LIPI: variants seen among roughly 807,000 people sequenced by gnomAD.
The protein encoded by LIPI is lipase member I.
LIPI carries 59 observed loss-of-function variants against 50.6 expected under a neutral mutation model. That is an observed-to-expected ratio of 1.16 (90% confidence interval 0.94 to 1.45). The LOEUF (loss-of-function observed/expected upper bound fraction) is 1.45, where lower values mean the gene tolerates loss of function less well. LIPI is among the 40% of genes most tolerant of loss of function. LIPI has a pLI of 0.00. For synonymous variants in LIPI, 203 were observed against 178.2 expected (o/e 1.14, Z -1.11); for missense variants, 586 against 536.3 (o/e 1.09, Z -0.92).
rs1036394601 is a variant in LIPI at position 14,168,464 on chromosome 21, G to A, written c.644-2013C>T. Among the ~76,000 whole-genome samples, 3 of 152,288 alleles carry A rather than the reference G, an allele frequency of 2.0e-5. No homozygotes were observed. The South Asian group carries it at 6.2e-4, about 32-fold the overall frequency. The stretch of plus-strand genomic sequence containing the variant: ...AAAAAATGTTAAGGGCAGCCAGAGA[G>A]AAAGGTCGGGTTACCCACAAAGGGA... On this transcript the variant is annotated intron_variant, in intron 4 of 9. Coordinates refer to ENST00000681601, the MANE Select transcript of LIPI (RefSeq NM_001302998.2).
intron 9 of LIPI, among the ~76,000 whole-genome samples, chr21:14,141,196 C>A (rs2017693798): frequency 6.6e-6 from 1 of 151,892 alleles, no homozygotes; most frequent in Non-Finnish European, 1.5e-5. Context: ...GTAGTTAGTT[C>A]TTCTGCTGTG....
chr21:14,154,330 AAC>A (rs1372473167), intron 7 of LIPI, among the ~76,000 whole-genome samples: 3 of 152,080 alleles, frequency 2.0e-5, no homozygotes, highest in African/African-American at 2.4e-5. Context: ...TTCTGTCCTA[AAC>A]TATCTTTTCA....
chr21:14,126,466 C>T (rs2017070119), intron 9 of LIPI, among the ~76,000 whole-genome samples: 1 of 152,144 alleles, frequency 6.6e-6, no homozygotes, highest in African/African-American at 2.4e-5. Context: ...ACACAGTCAA[C>T]CCTCTGTATC....
intron 9 of LIPI, among the ~76,000 whole-genome samples, chr21:14,115,666 C>T (rs1164861252): frequency 6.6e-6 from 1 of 152,146 alleles, no homozygotes; most frequent in African/African-American, 2.4e-5. Context: ...GAACGGTTTT[C>T]CCGTGTCTTG....
intron 9 of LIPI, among the ~76,000 whole-genome samples, chr21:14,140,875 G>T (rs529299514): frequency 6.6e-6 from 1 of 152,082 alleles, no homozygotes; most frequent in East Asian, 1.9e-4. Context: ...CTTATTATTT[G>T]TAATTCCAAG....
At chr21:14,137,870 C>A (rs373205848) in intron 9 of LIPI, among the ~76,000 whole-genome samples, 110 of 152,142 alleles carry the variant, frequency 7.2e-4, no homozygotes, top group African/African-American at 2.6e-3. Flanking sequence ...GCAAAAGAAA[C>A]AAATAAAATG....
chr21:14,115,228 C>T (rs1323411879), intron 9 of LIPI, among the ~76,000 whole-genome samples: 1 of 152,136 alleles, frequency 6.6e-6, no homozygotes, highest in Non-Finnish European at 1.5e-5. Flanking sequence ...CGAGTTCCTG[C>T]TTCACCTCCC....
At chr21:14,200,698 A>G (rs927660609) in intron 1 of LIPI, among the ~76,000 whole-genome samples, 2 of 152,136 alleles carry the variant, frequency 1.3e-5, no homozygotes, top group African/African-American at 4.8e-5. Context: ...AAAGCAATTT[A>G]TAGATTCAAT....
chr21:14,168,689 C>T (rs11700956), intron 4 of LIPI, among the ~76,000 whole-genome samples: 1 of 152,292 alleles, frequency 6.6e-6, no homozygotes, highest in East Asian at 1.9e-4. Context: ...ACCACCAGGC[C>T]TGCCCTAAAA....
chr21:14,150,894 C>T (rs1044323678), intron 8 of LIPI, among the ~76,000 whole-genome samples: 10 of 152,068 alleles, frequency 6.6e-5, no homozygotes, highest in South Asian at 4.2e-4. Flanking sequence ...GAAAGGAAAA[C>T]GGATAATTGT....
chr21:14,180,209 G>A (rs1425902688), intron 4 of LIPI, among the ~76,000 whole-genome samples: 1 of 152,068 alleles, frequency 6.6e-6, no homozygotes, highest in Admixed American at 6.6e-5. Flanking sequence ...CTCTGCTCTT[G>A]AACCCTGTTT....
chr21:14,108,921 A>G lies in LIPI; in HGVS notation c.*72T>C, dbSNP rs752942864. The stretch of plus-strand genomic sequence containing the variant: ...TCTCAAATTGAACAGTGCATTATAA[A>G]AGACTGATTGCATTGTTTCATTTAC... On this transcript the variant is annotated 3_prime_UTR_variant, in exon 10 of 10. Transcript: ENST00000681601. 1.9e-6 allele frequency: 3 copies of G among 1,585,046 alleles called. No individual in the cohort carries two copies. The highest frequency in any genetic ancestry group is 2.6e-6 in the Non-Finnish European group (3 of 1,156,068).
intron 4 of LIPI, among the ~76,000 whole-genome samples, chr21:14,170,126 A>C (rs1412022307): frequency 6.6e-6 from 1 of 152,240 alleles, no homozygotes; most frequent in Non-Finnish European, 1.5e-5. Flanking sequence ...GAAATGGATA[A>C]ATTCCTCAAC....
chr21:14,191,215 A>C (rs1302740086), intron 1 of LIPI, among the ~76,000 whole-genome samples: 2 of 151,818 alleles, frequency 1.3e-5, no homozygotes, highest in African/African-American at 2.4e-5. Context: ...CGTCTCTACT[A>C]AAACTACAAA....
Position 14,161,737 on chromosome 21 carries a change from T to A in LIPI, c.1006+1682A>T, listed in dbSNP as rs1344325983. ...ATATTAATATATAATATATACATTA[T>A]TATATATTAATATATAATATATACA... On this transcript the variant is annotated intron_variant, in intron 7 of 9. Coordinates refer to ENST00000681601, the MANE Select transcript of LIPI (RefSeq NM_001302998.2). Among the ~76,000 whole-genome samples, 20 of 76,552 alleles carry A rather than the reference T, an allele frequency of 2.6e-4. 1 individual carries two copies. Among genetic ancestry groups the A allele is most frequent in the African/African-American group, 1.1e-3 (18 of 15,770 alleles). 50.2% of individuals were successfully genotyped at this position (76,552 alleles called of 152,430 possible).
chr21:14,206,981 G>A (rs1350011671), intron 1 of LIPI: 1 of 1,181,712 alleles, frequency 8.5e-7, no homozygotes, highest in African/African-American at 1.5e-5. Context: ...TAATAAGAAG[G>A]AAGACCCTTT....
intron 3 of LIPI, 55 bp downstream of exon 3, chr21:14,185,906 A>G (rs936884323): frequency 2.5e-5 from 26 of 1,053,188 alleles, no homozygotes; most frequent in Non-Finnish European, 3.2e-5. Context: ...TTAGCAAAGT[A>G]ACTTCTGATA....
At chr21:14,111,075 C>G (rs2016393208) in intron 9 of LIPI, among the ~76,000 whole-genome samples, 2 of 151,646 alleles carry the variant, frequency 1.3e-5, no homozygotes, top group African/African-American at 4.8e-5. Flanking sequence ...CTTCAACATA[C>G]TGATTTCATT....
intron 9 of LIPI, among the ~76,000 whole-genome samples, chr21:14,139,876 A>G (rs1226049438): frequency 3.3e-5 from 5 of 152,202 alleles, no homozygotes; most frequent in African/African-American, 9.6e-5. Flanking sequence ...GGTGTGTCCA[A>G]GGAACAGCAA....
Sources: gnomAD v4.1 joint callset for allele counts (sites outside exome capture counted in the v4.1 genomes callset) on GRCh38, gnomAD v4.1.1 for gene constraint, MANE v1.5 for transcripts, NCBI Gene and HGNC (gene_info 2026-07-23, HGNC 2026-07-21) for gene names.